Variants in ANKFN1 observed in about 807,000 individuals in gnomAD.
The protein encoded by ANKFN1 is ankyrin repeat and fibronectin type III domain containing 1.
ANKFN1 carries 74 observed loss-of-function variants against 108.7 expected under a neutral mutation model. The observed-to-expected ratio is 0.68, with a 90% CI of 0.56 to 0.83. The LOEUF (loss-of-function observed/expected upper bound fraction) is 0.83, where lower values mean the gene tolerates loss of function less well. ANKFN1 is among the 40% of genes least tolerant of loss of function. The probability of loss-of-function intolerance (pLI) is 0.00; values close to 1 mark genes in which losing one functional copy is unlikely to be tolerated. For missense variants in ANKFN1, 1,505 were observed against 1,382.3 expected, an observed-to-expected ratio of 1.09 and a Z score of -1.41; for synonymous variants, 547 against 516.2, an observed-to-expected ratio of 1.06 and a Z score of -0.81.
Position 56,470,308 on chromosome 17 carries a change from A to T in ANKFN1, c.1773+3737A>T, listed in dbSNP as rs950933155. Among the ~76,000 whole-genome samples the T allele has an allele frequency of 2.0e-5, 3 of 152,292 alleles. No homozygotes were observed. In the South Asian group the frequency reaches 6.2e-4, roughly 32 times the overall value. ...TATTCTTTTGGGTATATACCCAGTAATGGGATTGCTGGGTCAAATAGTATT... is the reference window on the plus strand; with the variant it reads ...TATTCTTTTGGGTATATACCCAGTATTGGGATTGCTGGGTCAAATAGTATT... On this transcript the variant is annotated intron_variant, in intron 15 of 20. Coordinates refer to ENST00000682825, the MANE Select transcript of ANKFN1 (RefSeq NM_001370326.1).
intron 8 of ANKFN1, among the ~76,000 whole-genome samples, chr17:56,396,579 C>A (rs976853984): frequency 8.6e-5 from 13 of 152,024 alleles, no homozygotes; most frequent in Non-Finnish European, 1.5e-4. Context: ...TAAGATTATA[C>A]ATTTAATAAT....
intron 1 of ANKFN1, among the ~76,000 whole-genome samples, chr17:56,171,519 A>G (rs186156714): frequency 6.6e-6 from 1 of 152,040 alleles, no homozygotes; most frequent in East Asian, 1.9e-4. Flanking sequence ...TCCCCAAACT[A>G]CCTCTCCATT....
intron 8 of ANKFN1, among the ~76,000 whole-genome samples, chr17:56,400,057 T>G (rs1299975450): frequency 6.6e-6 from 1 of 151,870 alleles, no homozygotes; most frequent in African/African-American, 2.4e-5. Context: ...CATGTGCAAG[T>G]ATCTTTTTTG....
At chr17:56,449,915 C>T (rs1264623840) in intron 11 of ANKFN1, among the ~76,000 whole-genome samples, 1 of 152,206 alleles carries the variant, frequency 6.6e-6, no homozygotes, top group Non-Finnish European at 1.5e-5. Context: ...TCACCAGCTA[C>T]ACCCAGAGAA....
At chr17:56,286,499 T>G (rs1014789185) in intron 3 of ANKFN1, among the ~76,000 whole-genome samples, 9 of 152,182 alleles carry the variant, frequency 5.9e-5, no homozygotes, top group Admixed American at 3.9e-4. Context: ...CTCACATGTC[T>G]GGAGGTTGAT....
At chr17:56,109,931 T>C (rs1467881218) in intron 4 of ANKFN1, among the ~76,000 whole-genome samples, 1 of 152,224 alleles carries the variant, frequency 6.6e-6, no homozygotes, top group East Asian at 1.9e-4. Flanking sequence ...AATGCAGCTA[T>C]GGGTCAAGCT....
intron 1 of ANKFN1, among the ~76,000 whole-genome samples, chr17:56,178,354 A>G (rs1911367964): frequency 6.6e-6 from 1 of 152,228 alleles, no homozygotes; most frequent in Non-Finnish European, 1.5e-5. Flanking sequence ...ATCATTAGAT[A>G]CGTAAAGTTC....
intron 14 of ANKFN1, 90 bp from the exon 15 acceptor site, chr17:56,466,266 C>A: frequency 8.6e-7 from 1 of 1,162,584 alleles, no homozygotes; most frequent in Non-Finnish European, 1.2e-6. Flanking sequence ...TCTCAGAAAT[C>A]AGATTATTAT....
chr17:56,156,262 A>G (rs1195132879), intron 1 of ANKFN1, among the ~76,000 whole-genome samples: 7 of 151,894 alleles, frequency 4.6e-5, no homozygotes, highest in Non-Finnish European at 8.8e-5. Context: ...TTGTTGTTGT[A>G]TTTTTAGTAG....
intron 8 of ANKFN1, among the ~76,000 whole-genome samples, chr17:56,426,683 A>G (rs1420240411): frequency 1.3e-5 from 2 of 152,236 alleles, no homozygotes; most frequent in East Asian, 1.9e-4. Flanking sequence ...TATGCAATGT[A>G]TGTTGAGATG....
At chr17:56,362,678 A>T (rs1323241474) in intron 6 of ANKFN1, among the ~76,000 whole-genome samples, 1 of 152,200 alleles carries the variant, frequency 6.6e-6, no homozygotes, top group Non-Finnish European at 1.5e-5. Flanking sequence ...AAACTACATG[A>T]CATTCGTCCA....
intron 4 of ANKFN1, among the ~76,000 whole-genome samples, chr17:56,068,535 G>A (rs931016483): frequency 6.6e-6 from 1 of 152,142 alleles, no homozygotes; most frequent in Non-Finnish European, 1.5e-5. Context: ...TGGCATGAGT[G>A]CCCATAGAGC....
At chr17:56,152,980 T>C (rs56214528), upstream of ANKFN1, among the ~76,000 whole-genome samples, 6,738 of 152,240 alleles carry the variant, frequency 0.044, 497 homozygotes, top group African/African-American at 0.15. Context: ...ACCAATCCAG[T>C]AGCCAAAATA....
At chr17:56,355,997 T>A (rs567171357) in intron 6 of ANKFN1, among the ~76,000 whole-genome samples, 8 of 152,258 alleles carry the variant, frequency 5.3e-5, no homozygotes, top group African/African-American at 1.9e-4. Context: ...ACCTTCTGTT[T>A]CTATAGATTT....
At position 56,094,629 on chromosome 17, in the gene ANKFN1, G is replaced by A. The variant is rs985372030; in HGVS notation, c.288+48304G>A. On this transcript the variant is annotated intron_variant, in intron 4 of 12. Coordinates refer to the ANKFN1 transcript ENST00000635860. The stretch of plus-strand genomic sequence containing the variant: ...AGTGATTCTCCTGCCTCAGCCTCCC[G>A]TGTAGCTGGGACTACAGGCGCACAC... 4.7e-5 allele frequency among the ~76,000 whole-genome samples: 7 copies of A among 148,066 alleles called. No individual in the cohort carries two copies. In the East Asian group the frequency reaches 5.9e-4, roughly 12 times the overall value.
chr17:56,240,966 T>A (rs979812558), intron 3 of ANKFN1, among the ~76,000 whole-genome samples: 4 of 151,978 alleles, frequency 2.6e-5, no homozygotes, highest in African/African-American at 9.6e-5. Flanking sequence ...TTTTGGCCTG[T>A]TTTTTTTAAC....
At chr17:56,262,885 C>T (rs1218547815) in intron 3 of ANKFN1, among the ~76,000 whole-genome samples, 2 of 152,134 alleles carry the variant, frequency 1.3e-5, no homozygotes, top group African/African-American at 4.8e-5. Flanking sequence ...AGAAAGAAGA[C>T]TTTTCCCCCC....
rs2051842499 is a variant in ANKFN1, at chr17:56,513,789, A to G, written c.*2520A>G. On this transcript the variant is annotated 3_prime_UTR_variant, in exon 21 of 21. Coordinates refer to ENST00000682825, the MANE Select transcript of ANKFN1 (RefSeq NM_001370326.1). ...CCACAAAAAGAATAATGCATGTTAC[A>G]TTTTAATGGGCATAGTTAAATCAAT... is the stretch of plus-strand genomic sequence containing the variant. 6.6e-6 allele frequency among the ~76,000 whole-genome samples: 1 copy of G among 152,238 alleles called. No homozygotes were observed. The highest frequency in any genetic ancestry group is 1.5e-5 in the Non-Finnish European group (1 of 68,048).
intron 4 of ANKFN1, among the ~76,000 whole-genome samples, chr17:56,342,153 C>T (rs958616859): frequency 4.6e-5 from 7 of 151,344 alleles, no homozygotes; most frequent in Non-Finnish European, 8.8e-5. Flanking sequence ...GTGGTAATAT[C>T]CCCCTTATAA....
Sources: allele counts gnomAD v4.1 joint callset (sites outside exome capture counted in the v4.1 genomes callset), GRCh38; gene constraint gnomAD v4.1.1; transcripts MANE v1.5; gene names NCBI Gene and HGNC (gene_info 2026-07-23, HGNC 2026-07-21).